PPM1L: variants seen among roughly 807,000 people sequenced by gnomAD.
PPM1L encodes protein phosphatase 1L.
In PPM1L, 13 loss-of-function variants were observed where a neutral mutation model predicts 31.4. That is an observed-to-expected ratio of 0.41 (90% CI 0.27 to 0.66). PPM1L has a LOEUF of 0.66. Among genes scored for constraint, PPM1L ranks in the 30% least tolerant of loss-of-function variants. The pLI, the probability that PPM1L is intolerant of heterozygous loss-of-function variation, is 0.29. For synonymous variants in PPM1L, 184 were observed against 175.4 expected (o/e 1.05, Z -0.39); for missense variants, 326 against 453.7 (o/e 0.72, Z 2.56).
intron 1 of PPM1L, among the ~76,000 whole-genome samples, chr3:160,767,784 A>T (rs915992800): frequency 2.0e-5 from 3 of 152,244 alleles, no homozygotes; most frequent in Non-Finnish European, 4.4e-5. Context: ...TTAATCTAAA[A>T]TATGGTATAA....
At chr3:160,973,764 GTTTTTTTTT>G (rs75599237) in intron 2 of PPM1L, among the ~76,000 whole-genome samples, 158 of 88,470 alleles carry the variant, frequency 1.8e-3, no homozygotes, top group African/African-American at 5.2e-3. Flanking sequence ...GAAAGGCCCT[GTTTTTTTTT>G]TTTTTTTTTT....
chr3:160,889,588 A>G (rs1167472448), intron 1 of PPM1L, among the ~76,000 whole-genome samples: 1 of 152,234 alleles, frequency 6.6e-6, no homozygotes, highest in Non-Finnish European at 1.5e-5. Flanking sequence ...AGGAGCTGGT[A>G]TCATTCCTTC....
intron 1 of PPM1L, among the ~76,000 whole-genome samples, chr3:160,891,280 G>T (rs1283232993): frequency 6.6e-6 from 1 of 150,904 alleles, no homozygotes; most frequent in African/African-American, 2.4e-5. Flanking sequence ...AATTTACAAA[G>T]AAAATTTAAA....
chr3:160,758,117 G>GT (rs1362256067), intron 1 of PPM1L, among the ~76,000 whole-genome samples: 3 of 151,972 alleles, frequency 2.0e-5, no homozygotes, highest in African/African-American at 7.2e-5. Context: ...TTTTTATATT[G>GT]TTTTTTCAGA....
intron 2 of PPM1L, among the ~76,000 whole-genome samples, chr3:161,041,246 C>G (rs923840783): frequency 6.6e-6 from 1 of 152,226 alleles, no homozygotes. Flanking sequence ...CCTCCCCCCA[C>G]TGGCCCCGCC....
chr3:160,957,372 A>G (rs547779453), intron 1 of PPM1L, among the ~76,000 whole-genome samples: 19 of 152,286 alleles, frequency 1.2e-4, no homozygotes, highest in African/African-American at 4.6e-4. Context: ...ATATGCGAGC[A>G]TGTGTCTTTA....
At chr3:160,962,611 A>G (rs1263385348) in intron 2 of PPM1L, among the ~76,000 whole-genome samples, 2 of 152,034 alleles carry the variant, frequency 1.3e-5, no homozygotes, top group African/African-American at 4.8e-5. Context: ...AATTGGAGAA[A>G]AAGTACAGGA....
At chr3:161,036,182 C>G (rs1296340134) in intron 2 of PPM1L, 1 of 152,204 alleles carries the variant, frequency 6.6e-6, no homozygotes, top group Non-Finnish European at 1.5e-5. Flanking sequence ...TAATCACTAA[C>G]TTCACAGATC....
chr3:161,017,399 T>C (rs1314177023), intron 2 of PPM1L, among the ~76,000 whole-genome samples: 1 of 152,166 alleles, frequency 6.6e-6, no homozygotes, highest in Non-Finnish European at 1.5e-5. Flanking sequence ...CACAATTGAT[T>C]ATGTTGATTG....
chr3:161,051,665 ATAT>A (rs1719284517), intron 2 of PPM1L, among the ~76,000 whole-genome samples: 1 of 152,166 alleles, frequency 6.6e-6, no homozygotes, highest in African/African-American at 2.4e-5. Context: ...ATAATTAATA[ATAT>A]TATTGGATCA....
chr3:161,051,874 C>T (rs1719289679), intron 2 of PPM1L, among the ~76,000 whole-genome samples: 1 of 152,164 alleles, frequency 6.6e-6, no homozygotes, highest in African/African-American at 2.4e-5. Context: ...TTCACTTCCA[C>T]GTATATCCCA....
chr3:160,919,501 G>A (rs1260128111), intron 1 of PPM1L, among the ~76,000 whole-genome samples: 1 of 152,206 alleles, frequency 6.6e-6, no homozygotes, highest in Non-Finnish European at 1.5e-5. Context: ...GTACCTGGTA[G>A]GCTGATGGAT....
chr3:160,973,243 C>T (rs956307522), intron 2 of PPM1L, among the ~76,000 whole-genome samples: 1 of 152,204 alleles, frequency 6.6e-6, no homozygotes, highest in African/African-American at 2.4e-5. Context: ...TCTTTTTAAT[C>T]AAGTTGTCCT....
intron 1 of PPM1L, among the ~76,000 whole-genome samples, chr3:160,762,768 G>A (rs1200634193): frequency 1.3e-5 from 2 of 152,100 alleles, no homozygotes; most frequent in Admixed American, 6.5e-5. Context: ...ATGGTACAGA[G>A]GAAATAAAAT....
intron 2 of PPM1L, among the ~76,000 whole-genome samples, chr3:161,050,283 A>G (rs1274168361): frequency 6.6e-6 from 1 of 152,222 alleles, no homozygotes; most frequent in East Asian, 1.9e-4. Context: ...ACAACTATCA[A>G]AAAGACCAGT....
intron 2 of PPM1L, among the ~76,000 whole-genome samples, chr3:160,986,412 A>G (rs1160276698): frequency 6.6e-6 from 1 of 152,186 alleles, no homozygotes; most frequent in Non-Finnish European, 1.5e-5. Context: ...CCTGAGTTTT[A>G]CACAATTTAG....
intron 1 of PPM1L, among the ~76,000 whole-genome samples, chr3:160,799,225 C>A (rs1395363532): frequency 6.6e-6 from 1 of 152,196 alleles, no homozygotes; most frequent in Non-Finnish European, 1.5e-5. Flanking sequence ...TGAGAGAGGA[C>A]TGACTCCAAT....
chr3:160,890,956 C>A (rs1157271232), intron 1 of PPM1L, among the ~76,000 whole-genome samples: 1 of 152,110 alleles, frequency 6.6e-6, no homozygotes, highest in Non-Finnish European at 1.5e-5. Context: ...CTTCTTTACA[C>A]CTTATACAAA....
chr3:160,975,049 A>T (rs1450884764), intron 2 of PPM1L, among the ~76,000 whole-genome samples: 1 of 151,502 alleles, frequency 6.6e-6, no homozygotes, highest in Admixed American at 6.6e-5. Flanking sequence ...TGATTTTTGT[A>T]TAAGGTGTAA....
Sources: gnomAD v4.1 joint callset for allele counts (sites outside exome capture counted in the v4.1 genomes callset) on GRCh38, gnomAD v4.1.1 for gene constraint, MANE v1.5 for transcripts, NCBI Gene and HGNC (gene_info 2026-07-23, HGNC 2026-07-21) for gene names.